Variants in KIAA1217 observed in about 807,000 individuals in gnomAD.
The protein encoded by KIAA1217 is sickle tail protein homolog.
In KIAA1217, 88 loss-of-function variants were observed where a neutral mutation model predicts 163.9. That is an observed-to-expected ratio of 0.54 (90% CI 0.45 to 0.64). The LOEUF is 0.64. Ranked by LOEUF, KIAA1217 falls within the 30% of genes least tolerant of loss-of-function variation. The pLI, the probability that KIAA1217 is intolerant of heterozygous loss-of-function variation, is 0.00. For synonymous variants in KIAA1217, 903 were observed against 923.1 expected, an observed-to-expected ratio of 0.98 and a Z score of 0.39; for missense variants, 2,372 against 2,475.0, an observed-to-expected ratio of 0.96 and a Z score of 0.88.
intron 1 of KIAA1217, among the ~76,000 whole-genome samples, chr10:23,798,867 T>C (rs910582169): frequency 6.6e-6 from 1 of 152,190 alleles, no homozygotes; most frequent in East Asian, 1.9e-4. Context: ...AAAGAGCAGA[T>C]TGCGAAGAGC....
intron 1 of KIAA1217, among the ~76,000 whole-genome samples, chr10:23,856,673 C>G (rs1839686442): frequency 2.0e-5 from 3 of 152,268 alleles, no homozygotes; most frequent in Admixed American, 6.5e-5. Context: ...CCAGTTCGAG[C>G]TTCCCCACTG....
chr10:24,388,208 T>C (rs1275814751), intron 3 of KIAA1217, among the ~76,000 whole-genome samples: 2 of 152,042 alleles, frequency 1.3e-5, no homozygotes, highest in Non-Finnish European at 2.9e-5. Flanking sequence ...AAAACAGAGA[T>C]ACAGACCAAT....
intron 2 of KIAA1217, among the ~76,000 whole-genome samples, chr10:24,123,892 C>T (rs963081731): frequency 5.9e-5 from 9 of 152,130 alleles, no homozygotes; most frequent in African/African-American, 9.7e-5. Context: ...ATTTGTCTAA[C>T]GTTACTGAGC....
intron 1 of KIAA1217, among the ~76,000 whole-genome samples, chr10:23,844,922 T>G (rs1030334928): frequency 6.6e-6 from 1 of 152,232 alleles, no homozygotes; most frequent in South Asian, 2.1e-4. Flanking sequence ...AGGTGTGTGA[T>G]GTTCCCCTCC....
chr10:24,501,729 C>CTTTTTTTTTTTTTTTTT lies in KIAA1217; in HGVS notation c.2001+205_2001+221dup, dbSNP rs71397953. On this transcript the variant is annotated intron_variant, in intron 9 of 20. Transcript: ENST00000376454. ...AACTATAGTCAATCTATAACCACTT[C>CTTTTTTTTTTTTTTTTT]TTTTTTTTTTTTTTTTTTTTTTTTT... 9.7e-5 allele frequency among the ~76,000 whole-genome samples: 5 copies of CTTTTTTTTTTTTTTTTT among 51,504 alleles called. 2 individuals carry two copies. Among genetic ancestry groups the CTTTTTTTTTTTTTTTTT allele is most frequent in the Non-Finnish European group, 1.8e-4 (5 of 28,360 alleles). 33.8% of individuals were successfully genotyped at this position (51,504 alleles called of 152,430 possible). A position where few individuals can be genotyped will look rare whatever the true frequency, so the allele number is the denominator to read the frequency against.
chr10:24,032,655 C>T (rs1358439726), intron 2 of KIAA1217, among the ~76,000 whole-genome samples: 2 of 152,128 alleles, frequency 1.3e-5, no homozygotes, highest in Non-Finnish European at 2.9e-5. Flanking sequence ...GTCATGCCCA[C>T]TAGAGTCACA....
At chr10:24,147,860 A>AAT (rs2064405522) in intron 2 of KIAA1217, among the ~76,000 whole-genome samples, 1 of 144,426 alleles carries the variant, frequency 6.9e-6, no homozygotes, top group African/African-American at 2.6e-5. Context: ...AAAAAAAAAA[A>AAT]AAGAAAGAAA....
Position 24,099,569 on chromosome 10 carries a change from T to TTATATATA in KIAA1217, c.-171+92205_-171+92212dup, listed in dbSNP as rs529207171. 2.1e-3 allele frequency among the ~76,000 whole-genome samples: 298 copies of TTATATATA among 144,182 alleles called. 2 individuals carry two copies. The highest frequency in any genetic ancestry group is 7.4e-3 in the African/African-American group (290 of 39,098). 94.6% of individuals were successfully genotyped at this position (144,182 alleles called of 152,430 possible). On this transcript the variant is annotated intron_variant, in intron 2 of 18. Transcript: ENST00000376462. The stretch of plus-strand genomic sequence containing the variant: ...ATGGTGTATATGTGCCACATTTTCT[T>TTATATATA]TATATATATATATATATTATATATA...
At chr10:24,322,886 A>G (rs1247745846) in intron 2 of KIAA1217, among the ~76,000 whole-genome samples, 1 of 152,202 alleles carries the variant, frequency 6.6e-6, no homozygotes, top group Non-Finnish European at 1.5e-5. Context: ...ACTTCTTTAG[A>G]AGTTTGATAG....
At chr10:23,989,331 T>C (rs1846115899) in intron 1 of KIAA1217, among the ~76,000 whole-genome samples, 1 of 152,262 alleles carries the variant, frequency 6.6e-6, no homozygotes, top group Non-Finnish European at 1.5e-5. Context: ...GCAGGATACT[T>C]CATAAAGAAA....
chr10:23,712,136 G>C (rs1331350587), intron 1 of KIAA1217, among the ~76,000 whole-genome samples: 1 of 152,090 alleles, frequency 6.6e-6, no homozygotes, highest in African/African-American at 2.4e-5. Context: ...TAAAAGTCAA[G>C]GGCCAAACTG....
intron 1 of KIAA1217, among the ~76,000 whole-genome samples, chr10:23,849,483 G>A (rs1220230214): frequency 6.6e-6 from 1 of 152,046 alleles, no homozygotes; most frequent in Non-Finnish European, 1.5e-5. Context: ...GATTGATACA[G>A]TGTTGCTCCA....
At chr10:24,465,202 AAAGTC>A (rs1378596309) in intron 5 of KIAA1217, among the ~76,000 whole-genome samples, 8 of 152,178 alleles carry the variant, frequency 5.3e-5, no homozygotes, top group Non-Finnish European at 1.0e-4. Flanking sequence ...GATTAGATTA[AAAGTC>A]AAGAGCTTCC....
At chr10:24,359,100 GTTTT>G (rs1374564810) in intron 2 of KIAA1217, among the ~76,000 whole-genome samples, 1 of 55,826 alleles carries the variant, frequency 1.8e-5, no homozygotes, top group Non-Finnish European at 4.3e-5. Flanking sequence ...TTTTTTTTTT[GTTTT>G]TTTGAGATAG....
Position 24,524,405 on chromosome 10 carries a change from G to A in KIAA1217, c.2539G>A (p.Glu847Lys), listed in dbSNP as rs889715130. 1 of 1,614,242 alleles carries A rather than the reference G, an allele frequency of 6.2e-7. No homozygotes were observed. The change falls in exon 13 of 21, where the codon GAA (glutamate) becomes AAA (lysine). Residue 847 changes from glutamate (E) to lysine (K), a missense_variant. Glu to Lys is a moderately conservative substitution (Grantham distance 56, BLOSUM62 1). Around this residue, in one of 3 missense-constraint regions of KIAA1217, gnomAD observed 1,431 missense variants for 1,470.3 expected, o/e 0.97. Coordinates refer to ENST00000376454, the MANE Select transcript of KIAA1217 (RefSeq NM_019590.5). ...GGCTATGGAAAAGGCCACAGCCGCAGAAGTCCTGAAGAGTCAGGAGGAGGC... is the reference window on the plus strand; with the variant it reads ...GGCTATGGAAAAGGCCACAGCCGCAAAAGTCCTGAAGAGTCAGGAGGAGGC... ...YMAMEKATAA[E>K]VLKSQEEAAH...
intron 1 of KIAA1217, among the ~76,000 whole-genome samples, chr10:24,005,794 ATGT>A (rs1401067675): frequency 3.3e-5 from 5 of 152,160 alleles, no homozygotes; most frequent in African/African-American, 1.2e-4. Context: ...AATGGAGAAA[ATGT>A]TGTTCTAAGT....
intron 1 of KIAA1217, among the ~76,000 whole-genome samples, chr10:23,851,771 G>A (rs1233561351): frequency 2.6e-4 from 39 of 150,684 alleles, no homozygotes; most frequent in African/African-American, 8.8e-4. Flanking sequence ...CAGTGATGGT[G>A]AGCATTTTTT....
At chr10:23,966,433 C>T (rs1467525109) in intron 1 of KIAA1217, among the ~76,000 whole-genome samples, 1 of 152,170 alleles carries the variant, frequency 6.6e-6, no homozygotes, top group Non-Finnish European at 1.5e-5. Context: ...CACATACCAA[C>T]CCACCAGGGT....
intron 2 of KIAA1217, among the ~76,000 whole-genome samples, chr10:24,159,810 G>A (rs2065040456): frequency 6.6e-6 from 1 of 152,000 alleles, no homozygotes; most frequent in Non-Finnish European, 1.5e-5. Flanking sequence ...TGAAGTTTTA[G>A]GTTTTACATT....
Sources: gnomAD v4.1 joint callset for allele counts (sites outside exome capture counted in the v4.1 genomes callset) on GRCh38, gnomAD v4.1.1 for gene constraint, gnomAD v4.1.1 regional missense constraint, MANE v1.5 for transcripts, NCBI Gene and HGNC (gene_info 2026-07-23, HGNC 2026-07-21) for gene names.